RBFOX1: variants seen among roughly 807,000 people sequenced by gnomAD.
RBFOX1 encodes the protein RNA binding protein fox-1 homolog 1.
Under a neutral mutation model 57.7 loss-of-function variants are expected in RBFOX1, and 8 were observed. That is an observed-to-expected ratio of 0.14 (90% CI 0.08 to 0.25). RBFOX1 has a LOEUF of 0.25. Among genes scored for constraint, RBFOX1 ranks in the 10% least tolerant of loss-of-function variants. The pLI, the probability that RBFOX1 is intolerant of heterozygous loss-of-function variation, is 1.00. For missense variants in RBFOX1, 611 were observed against 548.5 expected, an observed-to-expected ratio of 1.11 and a Z score of -1.14; for synonymous variants, 326 against 222.4, an observed-to-expected ratio of 1.47 and a Z score of -4.15.
chr16:6,003,787 C>A (rs2060644998), intron 4 of RBFOX1, among the ~76,000 whole-genome samples: 6 of 152,190 alleles, frequency 3.9e-5, no homozygotes, highest in Admixed American at 3.9e-4. Context: ...GCCTCAGGAA[C>A]CACACAAGTG....
chr16:6,088,075 A>T (rs1167520838), intron 1 of RBFOX1, among the ~76,000 whole-genome samples: 1 of 152,174 alleles, frequency 6.6e-6, no homozygotes, highest in Non-Finnish European at 1.5e-5. Context: ...CTACAAGGTG[A>T]ATTTTAGAGA....
At chr16:6,937,048 T>G (rs1399314230) in intron 3 of RBFOX1, among the ~76,000 whole-genome samples, 3 of 151,996 alleles carry the variant, frequency 2.0e-5, no homozygotes, top group South Asian at 2.1e-4. Context: ...CGTATGTAAC[T>G]AACCTGCACA....
chr16:7,306,318 G>T (rs2142277962), intron 4 of RBFOX1, among the ~76,000 whole-genome samples: 1 of 152,248 alleles, frequency 6.6e-6, no homozygotes, highest in East Asian at 1.9e-4. Flanking sequence ...AAACACAAAG[G>T]TTCTCAGCAT....
At chr16:7,273,522 A>G (rs2095381058) in intron 4 of RBFOX1, among the ~76,000 whole-genome samples, 1 of 152,096 alleles carries the variant, frequency 6.6e-6, no homozygotes, top group Non-Finnish European at 1.5e-5. Context: ...TAGCATATAT[A>G]AGCTCAGTAC....
chr16:7,345,599 A>C (rs2145591877), intron 4 of RBFOX1, among the ~76,000 whole-genome samples: 1 of 152,264 alleles, frequency 6.6e-6, no homozygotes, highest in South Asian at 2.1e-4. Context: ...CCCATCATAC[A>C]GAACGCCAGT....
intron 4 of RBFOX1, among the ~76,000 whole-genome samples, chr16:5,879,242 G>A (rs910729899): frequency 6.6e-6 from 1 of 152,228 alleles, no homozygotes; most frequent in Non-Finnish European, 1.5e-5. Flanking sequence ...GAGTTCCAAT[G>A]AGCAAATGCT....
At chr16:5,468,586 A>G (rs955506604) in intron 2 of RBFOX1, among the ~76,000 whole-genome samples, 16 of 152,240 alleles carry the variant, frequency 1.1e-4, no homozygotes, top group African/African-American at 3.9e-4. Flanking sequence ...AGGTACTCAA[A>G]CAAGCACATG....
intron 14 of RBFOX1, among the ~76,000 whole-genome samples, chr16:7,704,122 A>G (rs1435388069): frequency 6.6e-6 from 1 of 152,224 alleles, no homozygotes; most frequent in Non-Finnish European, 1.5e-5. Flanking sequence ...TGTCCAAGTC[A>G]TGAGAGCAAG....
chr16:7,680,815 A>T (rs141358720), intron 14 of RBFOX1, among the ~76,000 whole-genome samples: 1,722 of 152,316 alleles, frequency 0.011, 13 homozygotes, highest in Non-Finnish European at 0.02. Context: ...ATGAAAATAT[A>T]CATATATCTA....
intron 4 of RBFOX1, among the ~76,000 whole-genome samples, chr16:7,326,260 T>C (rs962384272): frequency 6.6e-6 from 1 of 152,192 alleles, no homozygotes; most frequent in African/African-American, 2.4e-5. Context: ...GCTAGGCCTT[T>C]ACCATCCCAG....
chr16:5,900,116 A>G (rs1279967127), intron 4 of RBFOX1, among the ~76,000 whole-genome samples: 1 of 152,158 alleles, frequency 6.6e-6, no homozygotes, highest in Non-Finnish European at 1.5e-5. Flanking sequence ...TTCTTCAACA[A>G]CGTTGTCTAT....
chr16:7,681,432 C>T (rs1031794449), intron 14 of RBFOX1, among the ~76,000 whole-genome samples: 3 of 152,110 alleles, frequency 2.0e-5, no homozygotes, highest in Admixed American at 1.3e-4. Context: ...AGTTGATTTC[C>T]ATTAGCGCAG....
At chr16:6,326,945 C>T (rs1019199938) in intron 2 of RBFOX1, among the ~76,000 whole-genome samples, 1 of 152,176 alleles carries the variant, frequency 6.6e-6, no homozygotes, top group Non-Finnish European at 1.5e-5. Flanking sequence ...GGCTGTGCTC[C>T]AAATGCTCGT....
chr16:6,332,240 G>A (rs1033589272), intron 2 of RBFOX1, among the ~76,000 whole-genome samples: 4 of 152,196 alleles, frequency 2.6e-5, no homozygotes, highest in South Asian at 2.1e-4. Context: ...GTATGGCAAC[G>A]TAGAAGGCGG....
rs140264570 is a variant in RBFOX1 at position 5,895,724 on chromosome 16, C to T, written c.351+28389C>T. Among the ~76,000 whole-genome samples the T allele has an allele frequency of 3.2e-3, 480 of 152,242 alleles. 3 individuals are homozygous for T. Among genetic ancestry groups the T allele is most frequent in the African/African-American group, 0.011 (458 of 41,538 alleles). ...AACATAGGATCTAAGGGGCATCTCG[C>T]AGGGGTTTTGGGAGGATTAAATGAC... On this transcript the variant is annotated intron_variant, in intron 4 of 19. Coordinates refer to the RBFOX1 transcript ENST00000641259.
chr16:5,921,890 G>A (rs1257935133), intron 4 of RBFOX1, among the ~76,000 whole-genome samples: 2 of 152,026 alleles, frequency 1.3e-5, no homozygotes, highest in Admixed American at 6.6e-5. Context: ...GGTGGCTTAG[G>A]CCTGTAATCC....
intron 1 of RBFOX1, among the ~76,000 whole-genome samples, chr16:5,259,947 A>G (rs888088258): frequency 6.6e-6 from 1 of 152,152 alleles, no homozygotes; most frequent in Non-Finnish European, 1.5e-5. Context: ...CACACCTGTA[A>G]TCTTAGCACT....
chr16:6,126,248 A>G (rs1399991209), intron 1 of RBFOX1, among the ~76,000 whole-genome samples: 1 of 152,246 alleles, frequency 6.6e-6, no homozygotes, highest in Non-Finnish European at 1.5e-5. Context: ...CAGATAGTCA[A>G]GAGCGCCAGC....
chr16:6,136,641 G>A (rs2096669512), intron 1 of RBFOX1, among the ~76,000 whole-genome samples: 1 of 151,946 alleles, frequency 6.6e-6, no homozygotes, highest in African/African-American at 2.4e-5. Flanking sequence ...AAACCTTTAT[G>A]GGGCCCACAA....
Sources: gnomAD v4.1 joint callset for allele counts (sites outside exome capture counted in the v4.1 genomes callset) on GRCh38, gnomAD v4.1.1 for gene constraint, MANE v1.5 for transcripts, NCBI Gene and HGNC (gene_info 2026-07-23, HGNC 2026-07-21) for gene names.